KIAA2012: variants seen among roughly 807,000 people sequenced by gnomAD.
KIAA2012 encodes the protein KIAA2012, also known as uncharacterized protein KIAA2012.
Under a neutral mutation model 150.6 loss-of-function variants are expected in KIAA2012, and 125 were observed. The ratio of observed to expected loss-of-function variants is 0.83; its 90% CI spans 0.72 to 0.96. The LOEUF (loss-of-function observed/expected upper bound fraction) is 0.96, where lower values mean the gene tolerates loss of function less well. Ranked by LOEUF, KIAA2012 falls within the 40% of genes least tolerant of loss-of-function variation. KIAA2012 has a pLI of 0.00. For missense variants in KIAA2012, 1,219 were observed against 1,354.9 expected, an observed-to-expected ratio of 0.90 and a Z score of 1.57; for synonymous variants, 462 against 504.7, an observed-to-expected ratio of 0.92 and a Z score of 1.13.
intron 20 of KIAA2012, among the ~76,000 whole-genome samples, chr2:202,193,723 G>A (rs1692360511): frequency 6.6e-6 from 1 of 152,178 alleles, no homozygotes; most frequent in Non-Finnish European, 1.5e-5. Context: ...TCTGCTGAAT[G>A]TCACTCTCTT....
chr2:202,149,407 C>T (rs1302343603), intron 13 of KIAA2012, among the ~76,000 whole-genome samples: 2 of 152,192 alleles, frequency 1.3e-5, no homozygotes, highest in African/African-American at 2.4e-5. Context: ...AAGATAATGG[C>T]GGGGTGTGTG....
rs1224415703 is a variant in KIAA2012, at chr2:202,113,372, T to A, written c.1688T>A (p.Leu563Gln). The A allele has an allele frequency of 1.9e-6, 3 of 1,550,702 alleles. No homozygotes were observed. The Admixed American group carries it at 5.9e-5, about 30-fold the overall frequency. The change falls in exon 11 of 24, where the codon CTG becomes CAG. Residue 563 changes from leucine to glutamine, a missense_variant. Transcript: ENST00000498697. ...GACCCTACACTGGGACACTTCTTGC[T>A]GGGTCCAGATGGAGAAAAAGTCTGC... The part of the protein sequence containing the change: ...SSDPTLGHFL[L>Q]GPDGEKVCLS...
At chr2:202,143,903 A>G (rs1427558550) in intron 13 of KIAA2012, among the ~76,000 whole-genome samples, 2 of 152,186 alleles carry the variant, frequency 1.3e-5, no homozygotes, top group East Asian at 3.8e-4. Flanking sequence ...AACTCAGAGC[A>G]TAAAACTCTC....
chr2:202,164,717 G>A (rs375726709), intron 14 of KIAA2012, among the ~76,000 whole-genome samples: 2 of 152,208 alleles, frequency 1.3e-5, no homozygotes, highest in African/African-American at 4.8e-5. Context: ...AGTCTCTGCT[G>A]TAGTCACACT....
chr2:202,202,278 T>C (rs1352591444), intron 22 of KIAA2012, among the ~76,000 whole-genome samples, 151 bp from the exon 23 acceptor site: 1 of 152,330 alleles, frequency 6.6e-6, no homozygotes, highest in Non-Finnish European at 1.5e-5. Context: ...ATTTACTAAA[T>C]GAAGAGTATG....
In KIAA2012 at chr2:202,167,169, G is replaced by A. The variant is rs183213255; in HGVS notation, c.2119+1813G>A. Among the ~76,000 whole-genome samples the A allele has an allele frequency of 2.2e-3, 332 of 147,572 alleles. 3 individuals are homozygous for A. The highest frequency in any genetic ancestry group is 7.4e-3 in the African/African-American group (289 of 39,062). ...AGCCTGGGCAACAGAGTGAGACTCC[G>A]TCTCAAAAAAAAAAAAAACTTTCCA... On this transcript the variant is annotated intron_variant, in intron 15 of 23. Coordinates refer to ENST00000498697, the MANE Select transcript of KIAA2012 (RefSeq NM_001277372.4).
intron 13 of KIAA2012, among the ~76,000 whole-genome samples, chr2:202,146,359 G>A (rs1328356293): frequency 6.6e-6 from 1 of 152,076 alleles, no homozygotes; most frequent in African/African-American, 2.4e-5. Context: ...GCAGCCGGGT[G>A]CAGTGGCTCA....
At chr2:202,155,355 C>G (rs1201268395) in intron 14 of KIAA2012, among the ~76,000 whole-genome samples, 1 of 152,136 alleles carries the variant, frequency 6.6e-6, no homozygotes, top group Admixed American at 6.5e-5. Flanking sequence ...TCCATCTTTG[C>G]AATACTCCCT....
At chr2:202,178,744 C>G in intron 15 of KIAA2012, 1 of 162,378 alleles carries the variant, frequency 6.2e-6, no homozygotes, top group Admixed American at 6.2e-5. Flanking sequence ...AAGGTGCAGC[C>G]CCAGTCAACC....
chr2:202,125,251 G>A lies in KIAA2012; in HGVS notation c.1800G>A (p.Glu600=), dbSNP rs776135410. 1.6e-5 allele frequency: 25 copies of A among 1,550,340 alleles called. No individual in the cohort carries two copies. In the African/African-American group the frequency reaches 3.3e-4, roughly 20 times the overall value. ...ESVNSNISHE[E]EGPSSQHFLK... is the part of the protein sequence containing the mutation. ...TCAATTCAAATATCAGCCATGAAGA[G>A]GAAGGGCCTAGTAGTCAGCATTTCC... is the stretch of plus-strand genomic sequence containing the variant. Residue 600 remains glutamate (E), a synonymous_variant, in exon 12 of 24, where the codon GAG becomes GAA. Transcript: ENST00000498697.
chr2:202,098,713 A>G (rs959109547), intron 5 of KIAA2012, among the ~76,000 whole-genome samples: 1 of 151,882 alleles, frequency 6.6e-6, no homozygotes, highest in African/African-American at 2.4e-5. Flanking sequence ...AAATGGAGCT[A>G]TTATCATATG....
chr2:202,117,440 A>T (rs1297818487), intron 11 of KIAA2012, among the ~76,000 whole-genome samples: 1 of 152,248 alleles, frequency 6.6e-6, no homozygotes, highest in Non-Finnish European at 1.5e-5. Context: ...TGTTTAAAGT[A>T]TGATTTTCCT....
Position 202,100,318 on chromosome 2 carries a change from A to T in KIAA2012, c.1024A>T (p.Asn342Tyr). ...TCCTGTTTTTAAAGATAAACAAAGG[A>T]ACGTGAAACTCCACAAGGCCAGAAG... ...RKADLSDKQR[N>Y]VKLHKARSSH... is the part of the protein sequence containing the mutation. The change falls in exon 7 of 24, where the codon AAC (asparagine) becomes TAC (tyrosine). Residue 342 changes from asparagine (N) to tyrosine (Y), a missense_variant. Transcript: ENST00000498697. 6.5e-7 allele frequency: 1 copy of T among 1,550,234 alleles called. No individual in the cohort carries two copies. Among genetic ancestry groups the T allele is most frequent in the Non-Finnish European group, 8.7e-7 (1 of 1,146,786 alleles).
In KIAA2012 at chr2:202,190,378, A is replaced by G; in HGVS notation, c.2696A>G (p.Tyr899Cys). Residue 899 changes from tyrosine to cysteine, a missense_variant, in exon 19 of 24, where the codon TAT (tyrosine) becomes TGT (cysteine). By Grantham distance (194) the Tyr-to-Cys change is radical (BLOSUM62 -2). Coordinates refer to ENST00000498697, the MANE Select transcript of KIAA2012 (RefSeq NM_001277372.4). ...GAGGACCCTTGGCTTTCTCCCAAATATGATGCCCAGGAAAGCCAAGTTTCT... is the reference window on the plus strand; with the variant it reads ...GAGGACCCTTGGCTTTCTCCCAAATGTGATGCCCAGGAAAGCCAAGTTTCT... ...FVEDPWLSPK[Y>C]DAQESQVSLD... 3 of 1,550,630 alleles carry G rather than the reference A, an allele frequency of 1.9e-6. No homozygotes were observed. The highest frequency in any genetic ancestry group is 1.7e-6 in the Non-Finnish European group (2 of 1,146,982).
At chr2:202,109,232 A>C (rs2105926817) in intron 9 of KIAA2012, among the ~76,000 whole-genome samples, 1 of 152,270 alleles carries the variant, frequency 6.6e-6, no homozygotes, top group Middle Eastern at 3.4e-3. Flanking sequence ...AGGAGTTTGC[A>C]CCCTCTCCAG....
chr2:202,082,222 G>T (rs775616161), intron 2 of KIAA2012, among the ~76,000 whole-genome samples: 3 of 151,968 alleles, frequency 2.0e-5, no homozygotes, highest in Admixed American at 6.6e-5. Context: ...TGAATAATTG[G>T]TTCATGCCTG....
chr2:202,187,497 G>A (rs916725683), intron 17 of KIAA2012, among the ~76,000 whole-genome samples: 4 of 152,160 alleles, frequency 2.6e-5, no homozygotes, highest in African/African-American at 9.7e-5. Flanking sequence ...AGTACAGCCA[G>A]GGTTTCACCA....
chr2:202,075,923 C>T (rs1210116786), intron 2 of KIAA2012, among the ~76,000 whole-genome samples: 2 of 152,254 alleles, frequency 1.3e-5, no homozygotes, highest in East Asian at 3.8e-4. Context: ...CACACATTGG[C>T]TTTTCTGCTC....
chr2:202,202,451 C>T lies in KIAA2012; in HGVS notation c.3430C>T (p.His1144Tyr), dbSNP rs935158495. The T allele has an allele frequency of 5.0e-6, 2 of 399,596 alleles. No individual in the cohort carries two copies. Among genetic ancestry groups the T allele is most frequent in the East Asian group, 7.1e-5 (2 of 28,102 alleles). The allele number at this position is 399,596 out of a possible 1,614,324, so 24.8% of individuals were successfully genotyped here. ...TAGGCAAAAAGCTGCTTTGGAGAAA[C>T]ATTTTCATTTCTATCAAGAACTCCA... ...QARQKAALEKHFHFYQELHKE... is the reference protein window; with the variant it reads ...QARQKAALEKYFHFYQELHKE... The change falls in exon 23 of 24, where the codon CAT becomes TAT. Residue 1144 changes from histidine (H) to tyrosine (Y), a missense_variant. By Grantham distance (83) the His-to-Tyr change is moderately conservative. Coordinates refer to ENST00000498697, the MANE Select transcript of KIAA2012 (RefSeq NM_001277372.4).
Sources: gnomAD v4.1 joint callset for allele counts (sites outside exome capture counted in the v4.1 genomes callset) on GRCh38, gnomAD v4.1.1 for gene constraint, MANE v1.5 for transcripts, NCBI Gene and HGNC (gene_info 2026-07-23, HGNC 2026-07-21) for gene names.